HS3ST3B1: variants seen among roughly 807,000 people sequenced by gnomAD.
HS3ST3B1 encodes the protein heparan sulfate glucosamine 3-O-sulfotransferase 3B1.
HS3ST3B1 carries 13 observed loss-of-function variants against 21.3 expected under a neutral mutation model. The ratio of observed to expected loss-of-function variants is 0.61; its 90% CI spans 0.40 to 0.97. The LOEUF (loss-of-function observed/expected upper bound fraction) is 0.97, where lower values mean the gene tolerates loss of function less well. Among genes scored for constraint, HS3ST3B1 ranks in the 50% least tolerant of loss-of-function variants. The pLI, the probability that HS3ST3B1 is intolerant of heterozygous loss-of-function variation, is 0.00. For missense variants in HS3ST3B1, 459 were observed against 554.8 expected (o/e 0.83, Z 1.73); for synonymous variants, 234 against 254.8 (o/e 0.92, Z 0.78).
rs75161083 is a variant in HS3ST3B1, at chr17:14,341,567, G to T, written c.555-3461G>T. Among the ~76,000 whole-genome samples the T allele has an allele frequency of 3.2e-3, 492 of 151,730 alleles. 1 individual carries two copies. The highest frequency in any genetic ancestry group is 5.0e-3 in the Non-Finnish European group (340 of 67,962). ...TCATTATTCAGATGAGAAAACTGCA[G>T]CATGGACAGATTAAGTGATGTGTTC... On this transcript the variant is annotated intron_variant, in intron 1 of 1. Coordinates refer to ENST00000360954, the MANE Select transcript of HS3ST3B1 (RefSeq NM_006041.3).
At chr17:14,321,477 C>T (rs1909656457) in intron 1 of HS3ST3B1, among the ~76,000 whole-genome samples, 1 of 152,164 alleles carries the variant, frequency 6.6e-6, no homozygotes, top group Non-Finnish European at 1.5e-5. Context: ...CATTTACACA[C>T]TTCGTTTATT....
At position 14,326,005 on chromosome 17, in the gene HS3ST3B1, C is replaced by CTGTG. The variant is rs57813662; in HGVS notation, c.555-19011_555-19008dup. On this transcript the variant is annotated intron_variant, in intron 1 of 1. Coordinates refer to ENST00000360954, the MANE Select transcript of HS3ST3B1 (RefSeq NM_006041.3). The stretch of plus-strand genomic sequence containing the variant: ...TAGATGGATAGAGGTTATGATGACT[C>CTGTG]TGTGTGTGTGTGTGTACGTGTGTGT... Among the ~76,000 whole-genome samples, 1,025 of 151,244 alleles carry CTGTG rather than the reference C, an allele frequency of 6.8e-3. 10 individuals carry two copies. The highest frequency in any genetic ancestry group is 0.023 in the African/African-American group (970 of 41,314).
intron 1 of HS3ST3B1, among the ~76,000 whole-genome samples, chr17:14,306,772 CTT>C (rs1455711552): frequency 1.3e-5 from 2 of 152,002 alleles, no homozygotes; most frequent in Non-Finnish European, 2.9e-5. Context: ...ATTACACTCT[CTT>C]AGTCCCAGAG....
rs1908915947 is a variant in HS3ST3B1, at chr17:14,301,481, T to C, written c.-38T>C. 6 of 1,452,470 alleles carry C rather than the reference T, an allele frequency of 4.1e-6. No individual in the cohort carries two copies. Among genetic ancestry groups the C allele is most frequent in the Non-Finnish European group, 4.5e-6 (5 of 1,109,614 alleles). 90.0% of individuals were successfully genotyped at this position (1,452,470 alleles called of 1,614,324 possible). ...ACTGCCCGGCGGGACCCACGCCATG[T>C]GCTGAGCCATGTCCCTGGCCGCGCC... On this transcript the variant is annotated 5_prime_UTR_variant, in exon 1 of 2. Coordinates refer to ENST00000360954, the MANE Select transcript of HS3ST3B1 (RefSeq NM_006041.3).
At chr17:14,329,588 C>T (rs1237424252) in intron 1 of HS3ST3B1, 3 of 150,596 alleles carry the variant, frequency 2.0e-5, no homozygotes, top group African/African-American at 7.4e-5. Context: ...AAAGAAAGAG[C>T]TTGTGTTAAA....
Position 14,346,168 on chromosome 17 carries a change from G to T in HS3ST3B1, c.*522G>T. 1 of 155,750 alleles carries T rather than the reference G, an allele frequency of 6.4e-6. No individual in the cohort carries two copies. The highest frequency in any genetic ancestry group is 1.4e-5 in the Non-Finnish European group (1 of 70,422). The allele number at this position is 155,750 out of a possible 1,614,324, so 9.6% of individuals were successfully genotyped here. A position where few individuals can be genotyped will look rare whatever the true frequency, so the allele number is the denominator to read the frequency against. On this transcript the variant is annotated 3_prime_UTR_variant, in exon 2 of 2. Coordinates refer to ENST00000360954, the MANE Select transcript of HS3ST3B1 (RefSeq NM_006041.3). ...ATGTAGCCTGAAAGCCACAGCCCTA[G>T]GGTTCTGTCCCTCCCTCCATTCAGC... is the stretch of plus-strand genomic sequence containing the variant.
In HS3ST3B1 at chr17:14,345,451, C is replaced by A. The variant is rs1910533632; in HGVS notation, c.978C>A (p.Phe326Leu). Residue 326 changes from phenylalanine to leucine, a missense_variant, in exon 2 of 2, where the codon TTC (phenylalanine) becomes TTA (leucine). Transcript: ENST00000360954. ...AGAGGATCATCACGGACAAGCACTT[C>A]TACTTCAACAAGACCAAGGGCTTCC... ...GLKRIITDKHFYFNKTKGFPC... is the reference protein window; with the variant it reads ...GLKRIITDKHLYFNKTKGFPC... 5 of 1,424,008 alleles carry A rather than the reference C, an allele frequency of 3.5e-6. No individual in the cohort carries two copies. The highest frequency in any genetic ancestry group is 3.9e-6 in the Non-Finnish European group (4 of 1,020,440). 88.2% of individuals were successfully genotyped at this position (1,424,008 alleles called of 1,614,324 possible). A position where few individuals can be genotyped will look rare whatever the true frequency, so the allele number is the denominator to read the frequency against.
intron 1 of HS3ST3B1, among the ~76,000 whole-genome samples, chr17:14,332,388 A>G (rs113308574): frequency 0.022 from 3,341 of 152,066 alleles, 133 homozygotes; most frequent in African/African-American, 0.076. Context: ...GAAGTACCAG[A>G]TGCCCTCCCC....
At chr17:14,324,687 C>A (rs75079924) in intron 1 of HS3ST3B1, among the ~76,000 whole-genome samples, 5,543 of 152,242 alleles carry the variant, frequency 0.036, 260 homozygotes, top group Admixed American at 0.14. Flanking sequence ...GATCATAGCT[C>A]ACTGCAGCCT....
chr17:14,303,274 CAA>C lies in HS3ST3B1; in HGVS notation c.554+1205_554+1206del, dbSNP rs1909004016. On this transcript the variant is annotated intron_variant, in intron 1 of 1. Coordinates refer to ENST00000360954, the MANE Select transcript of HS3ST3B1 (RefSeq NM_006041.3). The surrounding 1 kb of genome is among the most constrained non-coding windows in gnomAD (Gnocchi z 5.7). The stretch of plus-strand genomic sequence containing the variant: ...CACAGACGCTCAAGACTTGGGAAAA[CAA>C]AAGAGGAGAAGATAACTGAACCCCT... Among the ~76,000 whole-genome samples the C allele has an allele frequency of 6.6e-6, 1 of 152,156 alleles. No individual in the cohort carries two copies. Among genetic ancestry groups the C allele is most frequent in the African/African-American group, 2.4e-5 (1 of 41,428 alleles).
chr17:14,338,053 G>A (rs117265696), intron 1 of HS3ST3B1, among the ~76,000 whole-genome samples: 1,656 of 151,864 alleles, frequency 0.011, 22 homozygotes, highest in Middle Eastern at 0.024. Context: ...GAGGGGCCAG[G>A]CATATAACGC....
rs1910646225 is a variant in HS3ST3B1 at position 14,348,771 on chromosome 17, A to T, written c.*3125A>T. The T allele has an allele frequency of 6.6e-6, 1 of 152,132 alleles. No homozygotes were observed. Among genetic ancestry groups the T allele is most frequent in the African/African-American group, 2.4e-5 (1 of 41,404 alleles). The allele number at this position is 152,132 out of a possible 1,614,324, so 9.4% of individuals were successfully genotyped here. On this transcript the variant is annotated 3_prime_UTR_variant, in exon 2 of 2. Coordinates refer to ENST00000360954, the MANE Select transcript of HS3ST3B1 (RefSeq NM_006041.3). Reference sequence around the variant, plus strand: ...CAAACAAAAAGGTCAACAAAAAAAAATTGAGGTTTTTCTTGTTTCTATCTA... The same window carrying T: ...CAAACAAAAAGGTCAACAAAAAAAATTTGAGGTTTTTCTTGTTTCTATCTA...
At chr17:14,304,345 A>G (rs1014281160) in intron 1 of HS3ST3B1, 3 of 152,158 alleles carry the variant, frequency 2.0e-5, no homozygotes, top group Admixed American at 1.3e-4. Flanking sequence ...GGCCCCAAAC[A>G]CTGCGTTCCT....
At chr17:14,344,039 G>A (rs1440890499) in intron 1 of HS3ST3B1, among the ~76,000 whole-genome samples, 1 of 151,960 alleles carries the variant, frequency 6.6e-6, no homozygotes, top group Non-Finnish European at 1.5e-5. Flanking sequence ...TGGGATTCCA[G>A]ACATGCACCA....
At chr17:14,318,118 C>G (rs1249664341) in intron 1 of HS3ST3B1, among the ~76,000 whole-genome samples, 1 of 152,074 alleles carries the variant, frequency 6.6e-6, no homozygotes, top group Non-Finnish European at 1.5e-5. Flanking sequence ...GGATGACTGT[C>G]CTAAGCACCT....
At chr17:14,343,856 C>T (rs886177995) in intron 1 of HS3ST3B1, among the ~76,000 whole-genome samples, 3 of 151,670 alleles carry the variant, frequency 2.0e-5, no homozygotes, top group Non-Finnish European at 4.4e-5. Context: ...TATATCTATC[C>T]AGAAATGGGA....
chr17:14,337,838 C>A (rs1910234124), intron 1 of HS3ST3B1, among the ~76,000 whole-genome samples: 2 of 151,572 alleles, frequency 1.3e-5, no homozygotes, highest in Admixed American at 6.6e-5. Context: ...TTTTTCCCCC[C>A]ACGAAGGTGG....
intron 1 of HS3ST3B1, among the ~76,000 whole-genome samples, chr17:14,340,176 C>T (rs1253553736): frequency 6.6e-6 from 1 of 152,136 alleles, no homozygotes; most frequent in Non-Finnish European, 1.5e-5. Flanking sequence ...TGAACCTTCT[C>T]CCAGGACCTC....
In HS3ST3B1 at chr17:14,311,707, G is replaced by A. The variant is rs79834974; in HGVS notation, c.554+9635G>A. Among the ~76,000 whole-genome samples the A allele has an allele frequency of 1.6e-4, 25 of 152,282 alleles. No individual in the cohort carries two copies. The East Asian group carries it at 4.4e-3, about 27-fold the overall frequency. ...TGCACTTGCTCTTATCAAGTACAAG[G>A]CAGCACTTAAAACACTGAGGAAGTA... is the stretch of plus-strand genomic sequence containing the variant. On this transcript the variant is annotated intron_variant, in intron 1 of 1. Transcript: ENST00000360954.
Sources: gnomAD v4.1 joint callset for allele counts (sites outside exome capture counted in the v4.1 genomes callset) on GRCh38, gnomAD v4.1.1 for gene constraint, Gnocchi (gnomAD v3.1) non-coding constraint, MANE v1.5 for transcripts, NCBI Gene and HGNC (gene_info 2026-07-23, HGNC 2026-07-21) for gene names.